Variants in UGT1A8 observed in about 807,000 individuals in gnomAD.
UGT1A8 encodes UDP glucuronosyltransferase family 1 member A8, also known as UDP-glucuronosyltransferase 1A8.
UGT1A8 carries 39 observed loss-of-function variants against 45.3 expected under a neutral mutation model. That is an observed-to-expected ratio of 0.86 (90% CI 0.67 to 1.12). UGT1A8 has a LOEUF of 1.12. Ranked by LOEUF, UGT1A8 falls within the 50% of genes most tolerant of loss-of-function variation. UGT1A8 has a pLI of 0.00. For synonymous variants in UGT1A8, 275 were observed against 249.2 expected, an observed-to-expected ratio of 1.10 and a Z score of -0.97; for missense variants, 719 against 664.9, an observed-to-expected ratio of 1.08 and a Z score of -0.90.
At chr2:233,628,017 C>T (rs2073122650) in intron 1 of UGT1A8, among the ~76,000 whole-genome samples, 1 of 152,030 alleles carries the variant, frequency 6.6e-6, no homozygotes, top group Non-Finnish European at 1.5e-5. Context: ...ACTTAAGCCA[C>T]ACTTCAGCTC....
At chr2:233,642,757 T>C (rs2073485054) in intron 1 of UGT1A8, among the ~76,000 whole-genome samples, 1 of 152,250 alleles carries the variant, frequency 6.6e-6, no homozygotes, top group African/African-American at 2.4e-5. Context: ...GCTGTGGTTC[T>C]TGCAGACTTG....
At chr2:233,718,023 A>C (rs1438994105) in intron 1 of UGT1A8, 4 of 389,712 alleles carry the variant, frequency 1.0e-5, no homozygotes, top group African/African-American at 4.2e-5. Flanking sequence ...CCAGCTCCCC[A>C]GGTCCTTTGG....
chr2:233,729,174 G>A, intron 1 of UGT1A8: 1 of 1,613,808 alleles, frequency 6.2e-7, no homozygotes, highest in Non-Finnish European at 8.5e-7. Flanking sequence ...CCACAGGACT[G>A]CTGCTTCTCC....
At chr2:233,667,319 G>C (rs1400866044) in intron 1 of UGT1A8, among the ~76,000 whole-genome samples, 1 of 152,186 alleles carries the variant, frequency 6.6e-6, no homozygotes, top group Non-Finnish European at 1.5e-5. Context: ...TGGGAAAACT[G>C]GCTAGCCATT....
At chr2:233,772,229 T>C in intron 4 of UGT1A8, 33 bp from the exon 5 acceptor site, 1 of 1,613,724 alleles carries the variant, frequency 6.2e-7, no homozygotes, top group Non-Finnish European at 8.5e-7. Context: ...ACCACAGGTG[T>C]TCCAGGCATA....
At chr2:233,701,688 A>T (rs1575472004) in intron 1 of UGT1A8, among the ~76,000 whole-genome samples, 1 of 152,212 alleles carries the variant, frequency 6.6e-6, no homozygotes, top group African/African-American at 2.4e-5. Context: ...GAATTAAGAA[A>T]ATCACTCAAA....
intron 1 of UGT1A8, among the ~76,000 whole-genome samples, chr2:233,744,210 A>G (rs564002534): frequency 6.6e-6 from 1 of 151,916 alleles, no homozygotes; most frequent in South Asian, 2.1e-4. Flanking sequence ...TGGGAAAAAG[A>G]GGTTGGGGAA....
intron 1 of UGT1A8, among the ~76,000 whole-genome samples, chr2:233,761,693 AG>A (rs1697839049): frequency 6.6e-6 from 1 of 152,260 alleles, no homozygotes; most frequent in African/African-American, 2.4e-5. Flanking sequence ...TGATACAGAA[AG>A]GTTGTAGGTT....
intron 1 of UGT1A8, among the ~76,000 whole-genome samples, chr2:233,698,410 C>T (rs1360939662): frequency 2.6e-5 from 4 of 151,926 alleles, no homozygotes; most frequent in South Asian, 4.2e-4. Context: ...GTGACTTCAT[C>T]GCAATAAATT....
rs1699505482 is a variant in UGT1A8, at chr2:233,767,840, C to T, written c.988-9C>T. The T allele has an allele frequency of 5.6e-6, 9 of 1,614,028 alleles. No homozygotes were observed. The highest frequency in any genetic ancestry group is 1.1e-5 in the South Asian group (1 of 91,070). ...TTTCTTTACGTTCTGCTCTTTTTGC[C>T]CCTCCCAGGTCCTGTGGCGGTACAC... On this transcript the variant is annotated splice_polypyrimidine_tract_variant and intron_variant, in intron 2 of 4. Coordinates refer to ENST00000373450, the MANE Select transcript of UGT1A8 (RefSeq NM_019076.5).
chr2:233,750,115 A>G (rs996940371), intron 1 of UGT1A8, among the ~76,000 whole-genome samples: 2 of 151,884 alleles, frequency 1.3e-5, no homozygotes, highest in Non-Finnish European at 1.5e-5. Context: ...AGAAGACAGG[A>G]AGATGTGGGA....
At chr2:233,728,889 G>A (rs182630542) in intron 1 of UGT1A8, among the ~76,000 whole-genome samples, 41 of 152,264 alleles carry the variant, frequency 2.7e-4, no homozygotes, top group African/African-American at 9.4e-4. Context: ...TCCCCAGAGT[G>A]AGCACAGGGT....
chr2:233,744,129 A>C (rs1002862654), intron 1 of UGT1A8: 5 of 357,290 alleles, frequency 1.4e-5, no homozygotes, highest in African/African-American at 1.1e-4. Flanking sequence ...AGGCTCTGTG[A>C]GGCCCTGTGA....
At chr2:233,698,433 A>G (rs2125575572) in intron 1 of UGT1A8, among the ~76,000 whole-genome samples, 3 of 152,338 alleles carry the variant, frequency 2.0e-5, no homozygotes, top group Middle Eastern at 6.8e-3. Context: ...TTAAGAAAAG[A>G]AGATATATCA....
At chr2:233,668,162 C>T (rs529403575) in intron 1 of UGT1A8, among the ~76,000 whole-genome samples, 46 of 151,988 alleles carry the variant, frequency 3.0e-4, no homozygotes, top group Non-Finnish European at 1.3e-4. Flanking sequence ...CCCATTAACT[C>T]GTCATTTACA....
rs371639452 is a variant in UGT1A8 at position 233,765,570 on chromosome 2, C to T, written c.856-1464C>T. 3.9e-5 allele frequency among the ~76,000 whole-genome samples: 6 copies of T among 151,906 alleles called. No individual in the cohort carries two copies. In the South Asian group the frequency reaches 1.0e-3, roughly 26 times the overall value. ...GAGTTGAACAGTGAGAATGCGTAGACGCAGGGAGGGGAACAACACACACCA... is the reference window on the plus strand; with the variant it reads ...GAGTTGAACAGTGAGAATGCGTAGATGCAGGGAGGGGAACAACACACACCA... On this transcript the variant is annotated intron_variant, in intron 1 of 4. Coordinates refer to ENST00000373450, the MANE Select transcript of UGT1A8 (RefSeq NM_019076.5).
chr2:233,662,291 A>G (rs1047861463), intron 1 of UGT1A8, among the ~76,000 whole-genome samples: 4 of 152,152 alleles, frequency 2.6e-5, no homozygotes, highest in African/African-American at 9.7e-5. Flanking sequence ...TTCCTGACAT[A>G]CTCAAGTTTT....
chr2:233,667,535 A>T (rs2074103725), intron 1 of UGT1A8, among the ~76,000 whole-genome samples: 1 of 152,234 alleles, frequency 6.6e-6, no homozygotes, highest in African/African-American at 2.4e-5. Context: ...GACAAATGGG[A>T]TCTCATTAAA....
intron 1 of UGT1A8, chr2:233,689,798 T>TTTCTATAGGA: frequency 2.3e-6 from 1 of 430,464 alleles, no homozygotes; most frequent in Admixed American, 2.7e-5. Context: ...TGATCTGTAG[T>TTTCTATAGGA]TTCTATAGGA....
Sources: gnomAD v4.1 joint callset for allele counts (sites outside exome capture counted in the v4.1 genomes callset) on GRCh38, gnomAD v4.1.1 for gene constraint, MANE v1.5 for transcripts, NCBI Gene and HGNC (gene_info 2026-07-23, HGNC 2026-07-21) for gene names.